Variants in FGF12 observed in about 807,000 individuals in gnomAD.
FGF12 encodes fibroblast growth factor 12.
Under a neutral mutation model 23.6 loss-of-function variants are expected in FGF12, and 14 were observed. The observed-to-expected ratio is 0.59, with a 90% CI of 0.39 to 0.93. FGF12 has a LOEUF of 0.93. FGF12 is among the 40% of genes least tolerant of loss of function. The pLI, the probability that FGF12 is intolerant of heterozygous loss-of-function variation, is 0.00. For synonymous variants in FGF12, 62 were observed against 77.3 expected, an observed-to-expected ratio of 0.80 and a Z score of 1.04; for missense variants, 175 against 217.8, an observed-to-expected ratio of 0.80 and a Z score of 1.24.
At chr3:192,398,698 C>T (rs1014720168) in intron 2 of FGF12, among the ~76,000 whole-genome samples, 1 of 152,124 alleles carries the variant, frequency 6.6e-6, no homozygotes, top group African/African-American at 2.4e-5. Context: ...ATATAGCTCC[C>T]TTGTTTTTCA....
intron 3 of FGF12, among the ~76,000 whole-genome samples, chr3:192,344,064 A>G (rs890550289): frequency 3.3e-5 from 5 of 152,184 alleles, no homozygotes; most frequent in African/African-American, 1.2e-4. Flanking sequence ...TAGGATATAA[A>G]TAACTCCCAC....
chr3:192,408,211 T>A lies in FGF12; in HGVS notation c.14-47673A>T. ...TTCTGCCGGATCAAGGAGCTGGCTA[T>A]CGCCGCAGCCATAGCTGCTCAGCGA... On this transcript the variant is annotated intron_variant, in intron 2 of 5. Transcript: ENST00000445105. This position sits in a 1 kb window ranked among gnomAD's most constrained non-coding sequence, Gnocchi z 7.3. The A allele has an allele frequency of 6.2e-7, 1 of 1,603,158 alleles. No individual in the cohort carries two copies. The highest frequency in any genetic ancestry group is 8.5e-7 in the Non-Finnish European group (1 of 1,178,608).
intron 3 of FGF12, among the ~76,000 whole-genome samples, chr3:192,355,673 GA>G: frequency 6.6e-6 from 1 of 152,284 alleles, no homozygotes; most frequent in South Asian, 2.1e-4. Context: ...AAAGATATGT[GA>G]ATCTGCCCCA....
chr3:192,155,503 G>A (rs571730085), intron 5 of FGF12, among the ~76,000 whole-genome samples: 2 of 152,104 alleles, frequency 1.3e-5, no homozygotes, highest in East Asian at 3.9e-4. Context: ...TCATTTGGGC[G>A]ATCTAAAACA....
rs117432099 is a variant in FGF12 at position 192,443,088 on chromosome 3, G to A, written c.14-82550C>T. On this transcript the variant is annotated intron_variant, in intron 2 of 5. Coordinates refer to ENST00000445105, the MANE Select transcript of FGF12 (RefSeq NM_004113.6). ...CTCCTAAAGTGCTGAGATTACAGGC[G>A]TGAGTCACCGTGCCCGGCCGTGTCT... 1.7e-3 allele frequency among the ~76,000 whole-genome samples: 265 copies of A among 152,216 alleles called. No individual in the cohort carries two copies. The East Asian group carries it at 0.022, about 13-fold the overall frequency.
intron 2 of FGF12, among the ~76,000 whole-genome samples, chr3:192,549,362 C>T (rs1422466004): frequency 6.6e-6 from 1 of 152,028 alleles, no homozygotes; most frequent in Non-Finnish European, 1.5e-5. Context: ...GCAATAATGT[C>T]CAAGCTCCTG....
rs999901838 is a variant in FGF12, at chr3:192,626,002, C to T, written c.13+101179G>A. 7.9e-5 allele frequency among the ~76,000 whole-genome samples: 12 copies of T among 152,314 alleles called. No individual in the cohort carries two copies. The South Asian group carries it at 2.5e-3, about 32-fold the overall frequency. ...AGATGAGACAGTCCCTGTTGACCCACATTCTGTAGCTTCTTATTTCCTCAG... is the reference window on the plus strand; with the variant it reads ...AGATGAGACAGTCCCTGTTGACCCATATTCTGTAGCTTCTTATTTCCTCAG... On this transcript the variant is annotated intron_variant, in intron 2 of 5. Coordinates refer to ENST00000445105, the MANE Select transcript of FGF12 (RefSeq NM_004113.6).
chr3:192,193,068 T>C (rs986539086), intron 4 of FGF12, among the ~76,000 whole-genome samples: 1 of 152,118 alleles, frequency 6.6e-6, no homozygotes, highest in Non-Finnish European at 1.5e-5. Context: ...AGAACAGAAG[T>C]TGGGTATCAG....
At chr3:192,442,883 C>T (rs1722242810) in intron 2 of FGF12, among the ~76,000 whole-genome samples, 1 of 151,328 alleles carries the variant, frequency 6.6e-6, no homozygotes, top group Non-Finnish European at 1.5e-5. Flanking sequence ...TCTCGGCTCA[C>T]TGCAACCTCC....
rs572324842 is a variant in FGF12 at position 192,408,472 on chromosome 3, G to A, written c.14-47934C>T. ...ACCTCTGGCGGCCGGGGGGCGGGGC[G>A]GGGCGGTCCCAGGCCCTCTTGCGAA... is the stretch of plus-strand genomic sequence containing the variant. On this transcript the variant is annotated intron_variant, in intron 2 of 5. Transcript: ENST00000445105. The surrounding 1 kb of genome is among the most constrained non-coding windows in gnomAD (Gnocchi z 7.3). 5.2e-6 allele frequency: 7 copies of A among 1,354,910 alleles called. No individual in the cohort carries two copies. The highest frequency in any genetic ancestry group is 3.6e-5 in the South Asian group (2 of 55,364). The allele number at this position is 1,354,910 out of a possible 1,614,324, so 83.9% of individuals were successfully genotyped here. A position where few individuals can be genotyped will look rare whatever the true frequency, so the allele number is the denominator to read the frequency against.
intron 2 of FGF12, among the ~76,000 whole-genome samples, chr3:192,603,905 A>T (rs1847341): frequency 0.23 from 34,365 of 151,976 alleles, 4,606 homozygotes; most frequent in East Asian, 0.34. Context: ...GAGTTCCCCA[A>T]TCCTAGTAAG....
Position 192,170,674 on chromosome 3 carries a change from AAAG to A in FGF12, c.229-21_229-19del, listed in dbSNP as rs2108619067. ...AAAACATCCTGTAGGAAAAAAAAAA[AAAG>A]ACACAAAAAAGAGAAATGATTTAAA... On this transcript the variant is annotated intron_variant, in intron 4 of 5. Coordinates refer to ENST00000445105, the MANE Select transcript of FGF12 (RefSeq NM_004113.6). 3.8e-6 allele frequency: 6 copies of A among 1,571,208 alleles called. No individual in the cohort carries two copies. The highest frequency in any genetic ancestry group is 5.2e-6 in the Non-Finnish European group (6 of 1,162,430).
At chr3:192,241,611 C>T (rs1486568393) in intron 4 of FGF12, among the ~76,000 whole-genome samples, 1 of 152,000 alleles carries the variant, frequency 6.6e-6, no homozygotes, top group African/African-American at 2.4e-5. Context: ...GCAGAAGCAG[C>T]ACTCTCTCTC....
intron 2 of FGF12, among the ~76,000 whole-genome samples, chr3:192,418,403 G>T: frequency 6.6e-6 from 1 of 152,234 alleles, no homozygotes; most frequent in Admixed American, 6.5e-5. Context: ...TCAAGAAGTT[G>T]TTGGGTTTTC....
chr3:192,161,505 TACACACACAC>T (rs10543146), intron 5 of FGF12, among the ~76,000 whole-genome samples: 28 of 149,662 alleles, frequency 1.9e-4, no homozygotes, highest in African/African-American at 3.9e-4. Context: ...AACGCCTATT[TACACACACAC>T]ACACACACAC....
intron 2 of FGF12, among the ~76,000 whole-genome samples, chr3:192,630,853 C>T (rs947271519): frequency 4.6e-5 from 7 of 152,000 alleles, no homozygotes; most frequent in Non-Finnish European, 7.4e-5. Flanking sequence ...CCACCGCGCC[C>T]GGCCCACTTT....
intron 4 of FGF12, among the ~76,000 whole-genome samples, chr3:192,235,706 ATGTCACCTT>A (rs758881029): frequency 9.9e-5 from 15 of 152,046 alleles, no homozygotes; most frequent in Non-Finnish European, 1.6e-4. Flanking sequence ...GTCAGTAGTA[ATGTCACCTT>A]TGTCATTTCT....
chr3:192,652,046 G>T (rs1560182292), intron 2 of FGF12, among the ~76,000 whole-genome samples: 1 of 152,182 alleles, frequency 6.6e-6, no homozygotes, highest in Non-Finnish European at 1.5e-5. Context: ...CCTACTCTAT[G>T]CCAGACACTC....
intron 4 of FGF12, among the ~76,000 whole-genome samples, chr3:192,314,261 T>C (rs1359601948): frequency 6.6e-6 from 1 of 151,612 alleles, no homozygotes; most frequent in Non-Finnish European, 1.5e-5. Flanking sequence ...TGGTAAAGTA[T>C]ATTGCTTAAA....
Sources: allele counts gnomAD v4.1 joint callset (sites outside exome capture counted in the v4.1 genomes callset), GRCh38; gene constraint gnomAD v4.1.1; non-coding constraint Gnocchi (gnomAD v3.1); transcripts MANE v1.5; gene names NCBI Gene and HGNC (gene_info 2026-07-23, HGNC 2026-07-21).